SHROOM4: variants seen among roughly 807,000 people sequenced by gnomAD.
SHROOM4 encodes protein Shroom4.
Under a neutral mutation model 80.3 loss-of-function variants are expected in SHROOM4, and 17 were observed. The observed-to-expected ratio is 0.21, with a 90% CI of 0.14 to 0.32. The LOEUF is 0.32. Ranked by LOEUF, SHROOM4 falls within the 10% of genes least tolerant of loss-of-function variation. The pLI is 1.00. For missense variants in SHROOM4, 993 were observed against 1,140.3 expected (o/e 0.87, Z 1.86); for synonymous variants, 400 against 437.5 (o/e 0.91, Z 1.07).
chrX:50,670,794 T>C (rs1453783237), intron 2 of SHROOM4, among the ~76,000 whole-genome samples: 4 of 112,217 alleles, frequency 3.6e-5, no homozygotes, highest in African/African-American at 1.3e-4. Context: ...TTTTTAATGA[T>C]TGCCATTTGA....
intron 1 of SHROOM4, among the ~76,000 whole-genome samples, chrX:50,741,757 C>T (rs1402028638): frequency 1.8e-5 from 2 of 110,355 alleles, no homozygotes; most frequent in Non-Finnish European, 3.8e-5. Context: ...CTCTTTATCA[C>T]GTCAAAGAAA....
rs782409433 is a variant in SHROOM4, at chrX:50,607,884, C to T, written c.3258G>A (p.Glu1086=). The T allele has an allele frequency of 4.1e-6, 5 of 1,210,089 alleles. No homozygotes were observed. Among genetic ancestry groups the T allele is most frequent in the Admixed American group, 4.4e-5 (2 of 45,972 alleles). ...TGGCTCCGAGAAGATCCGACTGGGT[C>T]TCATCACCTTTGCTAAAGAGCTCCC... ...HRRELFSKGD[E]TQSDLLGARK... is the part of the protein sequence containing the mutation. The change falls in exon 6 of 9, where the codon GAG becomes GAA. Residue 1086 remains glutamate, a synonymous_variant. Coordinates refer to ENST00000376020, the MANE Select transcript of SHROOM4 (RefSeq NM_020717.5).
intron 1 of SHROOM4, among the ~76,000 whole-genome samples, chrX:50,806,560 C>T (rs1456498214): frequency 8.9e-6 from 1 of 112,494 alleles, no homozygotes; most frequent in African/African-American, 3.2e-5. Flanking sequence ...AAAATAGTAA[C>T]TCAACTTATT....
chrX:50,775,995 G>A (rs1935496391), intron 1 of SHROOM4, among the ~76,000 whole-genome samples: 1 of 112,291 alleles, frequency 8.9e-6, no homozygotes, highest in Non-Finnish European at 1.9e-5. Flanking sequence ...GATACAGGGA[G>A]TTGCTTCCCT....
chrX:50,811,047 CA>C (rs1192871056), intron 1 of SHROOM4, among the ~76,000 whole-genome samples: 6 of 112,117 alleles, frequency 5.4e-5, no homozygotes, highest in Non-Finnish European at 1.1e-4. Context: ...AGTGGTGGCT[CA>C]CGCCTGTAAT....
At chrX:50,796,506 T>C (rs1362789251) in intron 1 of SHROOM4, among the ~76,000 whole-genome samples, 1 of 111,473 alleles carries the variant, frequency 9.0e-6, no homozygotes, top group Non-Finnish European at 1.9e-5. Context: ...GATGGAGTTC[T>C]GGTCTAGAAT....
chrX:50,745,680 T>C (rs1379728834), intron 1 of SHROOM4, among the ~76,000 whole-genome samples: 1 of 110,798 alleles, frequency 9.0e-6, no homozygotes, highest in Non-Finnish European at 1.9e-5. Flanking sequence ...AGCCTGATCA[T>C]TCTGGAATGA....
At chrX:50,627,541 C>G in intron 5 of SHROOM4, 73 bp downstream of exon 5, 1 of 979,848 alleles carries the variant, frequency 1.0e-6, no homozygotes, top group East Asian at 3.1e-5. Flanking sequence ...ACTAAGCAAA[C>G]CAAAGACCTT....
intron 2 of SHROOM4, among the ~76,000 whole-genome samples, chrX:50,638,993 T>C (rs6614345): frequency 0.27 from 30,277 of 111,753 alleles, 3,584 homozygotes; most frequent in South Asian, 0.49. Context: ...CCCCAACTCC[T>C]GTGAGGGAAG....
At position 50,591,830 on chromosome X, in the gene SHROOM4, G is replaced by A; in HGVS notation, c.*4865C>T. The A allele has an allele frequency of 3.2e-6, 1 of 309,671 alleles. No homozygotes were observed. The highest frequency in any genetic ancestry group is 6.2e-6 in the Non-Finnish European group (1 of 161,094). The allele number at this position is 309,671 out of a possible 1,213,427, so 25.5% of individuals were successfully genotyped here. On this transcript the variant is annotated 3_prime_UTR_variant, in exon 9 of 9. Coordinates refer to ENST00000376020, the MANE Select transcript of SHROOM4 (RefSeq NM_020717.5). ...CCTTCCAGGTTCAAGCAATTCTCCT[G>A]CCTCAGCCTCCCGAGTAGCTGGGAC...
chrX:50,794,357 T>C (rs1292143948), intron 1 of SHROOM4, among the ~76,000 whole-genome samples: 2 of 111,216 alleles, frequency 1.8e-5, no homozygotes, highest in African/African-American at 3.3e-5. Context: ...GTAAATCATG[T>C]TGTTGTCTAA....
rs781798090 is a variant in SHROOM4 at position 50,792,026 on chromosome X, A to G, written c.117+21876T>C. On this transcript the variant is annotated intron_variant, in intron 1 of 8. Transcript: ENST00000376020. ...ACTTTCTTACACCATATGCATACAC[A>G]TAAGACCTGAAACTGCAAAACTTGT... Among the ~76,000 whole-genome samples the G allele has an allele frequency of 1.5e-4, 17 of 111,996 alleles. 1 individual carries two copies. In the East Asian group the frequency reaches 4.5e-3, roughly 30 times the overall value.
chrX:50,791,907 C>T (rs1344595695), intron 1 of SHROOM4, among the ~76,000 whole-genome samples: 1 of 110,750 alleles, frequency 9.0e-6, no homozygotes, highest in African/African-American at 3.3e-5. Flanking sequence ...CACCCATATA[C>T]GACCAAGTGA....
Position 50,608,081 on chromosome X carries a change from G to A in SHROOM4, c.3061C>T (p.Leu1021Phe), listed in dbSNP as rs1557249094. ...TGTTTGAAGTCTCCAAGGAGGTCAA[G>A]AGAAGAAATTGCTCGGTAGCTTGAC... ...DLSSYRAISS[L>F]DLLGDFKHAL... The change falls in exon 6 of 9, where the codon CTT becomes TTT. Residue 1021 changes from leucine (L) to phenylalanine (F), a missense_variant. Physicochemically the swap from Leu to Phe is conservative, Grantham distance 22 (BLOSUM62 0). Transcript: ENST00000376020. 8.3e-7 allele frequency: 1 copy of A among 1,211,626 alleles called. No individual in the cohort carries two copies. The highest frequency in any genetic ancestry group is 3.0e-5 in the East Asian group (1 of 33,824).
intron 2 of SHROOM4, among the ~76,000 whole-genome samples, chrX:50,654,568 C>G (rs1173615702): frequency 2.7e-5 from 3 of 110,775 alleles, no homozygotes; most frequent in African/African-American, 9.8e-5. Context: ...AAGATCTACT[C>G]TCTTAGCAAT....
chrX:50,791,066 T>C (rs1935840994), intron 1 of SHROOM4, among the ~76,000 whole-genome samples: 1 of 110,149 alleles, frequency 9.1e-6, no homozygotes. Context: ...ACGGAGAAAA[T>C]CCTAGACACT....
At chrX:50,726,394 C>G (rs782567387) in intron 1 of SHROOM4, among the ~76,000 whole-genome samples, 1 of 112,267 alleles carries the variant, frequency 8.9e-6, no homozygotes, top group South Asian at 3.7e-4. Context: ...GCATAAGTAA[C>G]GAGGAGCCAA....
chrX:50,795,156 T>TG (rs1557272010), intron 1 of SHROOM4, among the ~76,000 whole-genome samples: 1 of 27,756 alleles, frequency 3.6e-5, no homozygotes, highest in African/African-American at 9.8e-5. Flanking sequence ...GATATATATA[T>TG]ATATATATAT....
intron 1 of SHROOM4, among the ~76,000 whole-genome samples, chrX:50,757,497 A>G (rs1218885048): frequency 9.0e-6 from 1 of 111,550 alleles, no homozygotes; most frequent in Admixed American, 9.6e-5. Context: ...TGTATTTTAG[A>G]ATCAGCTTGT....
Sources: gnomAD v4.1 joint callset for allele counts (sites outside exome capture counted in the v4.1 genomes callset) on GRCh38, gnomAD v4.1.1 for gene constraint, MANE v1.5 for transcripts, NCBI Gene and HGNC (gene_info 2026-07-23, HGNC 2026-07-21) for gene names.